TRIM37: variants seen among roughly 807,000 people sequenced by gnomAD.
TRIM37 encodes E3 ubiquitin-protein ligase TRIM37.
In TRIM37, 80 loss-of-function variants were observed where a neutral mutation model predicts 129.8. The ratio of observed to expected loss-of-function variants is 0.62; its 90% CI spans 0.51 to 0.74. TRIM37 has a LOEUF of 0.74. Ranked by LOEUF, TRIM37 falls within the 30% of genes least tolerant of loss-of-function variation. The pLI is 0.00. For synonymous variants in TRIM37, 389 were observed against 387.1 expected, an observed-to-expected ratio of 1.00 and a Z score of -0.06; for missense variants, 1,054 against 1,176.5, an observed-to-expected ratio of 0.90 and a Z score of 1.52.
chr17:59,064,551 A>G, intron 9 of TRIM37, 146 bp from the exon 10 acceptor site: 1 of 630,914 alleles, frequency 1.6e-6, no homozygotes, highest in East Asian at 2.8e-5. Flanking sequence ...TGAACATAAC[A>G]TTAAATCAAA....
intron 19 of TRIM37, among the ~76,000 whole-genome samples, chr17:59,022,079 AT>A (rs1286104750): frequency 3.3e-5 from 5 of 152,158 alleles, no homozygotes; most frequent in Admixed American, 1.3e-4. Flanking sequence ...AGTTAAAATA[AT>A]TTTATAGCAT....
intron 12 of TRIM37, among the ~76,000 whole-genome samples, chr17:59,057,268 T>C (rs896711531): frequency 5.9e-5 from 9 of 152,178 alleles, no homozygotes; most frequent in Non-Finnish European, 1.2e-4. Flanking sequence ...CAGGCTGGAG[T>C]GCAATGGTGC....
chr17:59,010,861 G>A (rs1017454315), intron 22 of TRIM37, among the ~76,000 whole-genome samples: 49 of 152,104 alleles, frequency 3.2e-4, no homozygotes, highest in Non-Finnish European at 6.3e-4. Flanking sequence ...CAGTATGTAT[G>A]GAGACACATA....
chr17:58,996,288 T>C (rs903071437), downstream of TRIM37, among the ~76,000 whole-genome samples: 3 of 151,616 alleles, frequency 2.0e-5, no homozygotes, highest in African/African-American at 2.4e-5. Flanking sequence ...CTAGCCAACA[T>C]GGTGAAACCC....
intron 13 of TRIM37, among the ~76,000 whole-genome samples, chr17:59,053,990 C>A (rs565421827): frequency 9.2e-4 from 140 of 152,230 alleles, no homozygotes; most frequent in African/African-American, 3.3e-3. Flanking sequence ...AAAATCATAT[C>A]CCTTGTTAAA....
At chr17:58,970,464 A>G in the TRIM37 span, among the ~76,000 whole-genome samples, 1 of 152,224 alleles carries the variant, frequency 6.6e-6, no homozygotes, top group East Asian at 1.9e-4. Context: ...AAATAATTAC[A>G]GAAGTAGATA....
chr17:59,055,175 A>T (rs773381465), intron 13 of TRIM37, among the ~76,000 whole-genome samples: 3 of 151,684 alleles, frequency 2.0e-5, no homozygotes, highest in Non-Finnish European at 2.9e-5. Flanking sequence ...CATCTCTACT[A>T]AAAGTACAAA....
At chr17:59,065,156 C>A (rs1225269966) in intron 9 of TRIM37, among the ~76,000 whole-genome samples, 1 of 152,086 alleles carries the variant, frequency 6.6e-6, no homozygotes, top group Non-Finnish European at 1.5e-5. Flanking sequence ...AAGAAATACA[C>A]TTTAAAAAGT....
At chr17:59,024,839 C>G (rs2145406672) in intron 19 of TRIM37, among the ~76,000 whole-genome samples, 1 of 152,332 alleles carries the variant, frequency 6.6e-6, no homozygotes, top group African/African-American at 2.4e-5. Context: ...CTAAACTAGT[C>G]TTTAAATGTA....
rs1234171746 is a variant in TRIM37 at position 59,075,796 on chromosome 17, TAACAAGA to T, written c.617-89_617-83del. On this transcript the variant is annotated intron_variant, in intron 7 of 23. Coordinates refer to ENST00000262294, the MANE Select transcript of TRIM37 (RefSeq NM_015294.6). ...ATTAACTTCCAATGAACATATTTAA[TAACAAGA>T]AATACACTTCAAGTAAGCAAAAATT... is the stretch of plus-strand genomic sequence containing the variant. 1.0e-5 allele frequency: 11 copies of T among 1,091,326 alleles called. No individual in the cohort carries two copies. In the East Asian group the frequency reaches 1.4e-4, roughly 14 times the overall value. The allele number at this position is 1,091,326 out of a possible 1,614,324, so 67.6% of individuals were successfully genotyped here. A position where few individuals can be genotyped will look rare whatever the true frequency, so the allele number is the denominator to read the frequency against.
intron 24 of TRIM37, among the ~76,000 whole-genome samples, chr17:58,987,882 A>G (rs2031966111): frequency 6.6e-6 from 1 of 152,198 alleles, no homozygotes; most frequent in Non-Finnish European, 1.5e-5. Flanking sequence ...TGTTTTACAT[A>G]TATACATTTT....
intron 2 of TRIM37, among the ~76,000 whole-genome samples, chr17:59,100,474 G>A (rs937112048): frequency 2.6e-5 from 4 of 152,130 alleles, no homozygotes; most frequent in South Asian, 4.1e-4. Context: ...AGCCAGATCC[G>A]TAAGAGTACA....
At chr17:59,046,575 C>CG (rs1304841461) in intron 16 of TRIM37, among the ~76,000 whole-genome samples, 1 of 135,126 alleles carries the variant, frequency 7.4e-6, no homozygotes, top group Non-Finnish European at 1.6e-5. Flanking sequence ...TCTCAACTGT[C>CG]GCCCAGGCTG....
At position 59,041,881 on chromosome 17, in the gene TRIM37, A is replaced by T. The variant is rs762194353; in HGVS notation, c.1685T>A (p.Val562Glu). Residue 562 changes from valine to glutamate, a missense_variant, in exon 17 of 24, where the codon GTG (valine) becomes GAG (glutamate). Around this residue, in one of 3 missense-constraint regions of TRIM37, gnomAD observed 752 missense variants for 870.8 expected, o/e 0.86. Coordinates refer to ENST00000262294, the MANE Select transcript of TRIM37 (RefSeq NM_015294.6). Reference sequence around the variant, plus strand: ...TTCTAATTCCATGTTGTTATATTCCACATCATTTTCTCCAGACCTAAGAAT... The same window carrying T: ...TTCTAATTCCATGTTGTTATATTCCTCATCATTTTCTCCAGACCTAAGAAT... ...DEETMSGEND[V>E]EYNNMELEEG... The T allele has an allele frequency of 6.2e-7, 1 of 1,613,334 alleles. No homozygotes were observed. The highest frequency in any genetic ancestry group is 8.5e-7 in the Non-Finnish European group (1 of 1,179,380).
chr17:59,047,736 A>G lies in TRIM37; in HGVS notation c.1614T>C (p.Ala538=). 6.2e-7 allele frequency: 1 copy of G among 1,614,138 alleles called. No homozygotes were observed. Among genetic ancestry groups the G allele is most frequent in the South Asian group, 1.1e-5 (1 of 91,080 alleles). ...VNQLDGSSSS[A]SSTATSNTEE... The stretch of plus-strand genomic sequence containing the variant: ...CTGTATTACTTGTTGCTGTGGAACT[A>G]GCAGAGGAACTGCTGCCATCGAGCT... The change falls in exon 16 of 24, where the codon GCT becomes GCC. Residue 538 remains alanine, a synonymous_variant. Transcript: ENST00000262294.
At chr17:59,013,389 T>C (rs955087689) in intron 21 of TRIM37, among the ~76,000 whole-genome samples, 7 of 152,148 alleles carry the variant, frequency 4.6e-5, no homozygotes, top group African/African-American at 1.4e-4. Flanking sequence ...TCAAGTGATC[T>C]GCCCACCTCA....
At chr17:59,095,383 C>A (rs2147409477) in intron 2 of TRIM37, among the ~76,000 whole-genome samples, 1 of 152,222 alleles carries the variant, frequency 6.6e-6, no homozygotes, top group South Asian at 2.1e-4. Context: ...TTTAGCAAAA[C>A]TGAGTCTACA....
Position 59,056,976 on chromosome 17 carries a change from G to C in TRIM37, c.1098C>G (p.Asp366Glu). The C allele has an allele frequency of 6.2e-7, 1 of 1,613,758 alleles. No individual in the cohort carries two copies. The highest frequency in any genetic ancestry group is 8.5e-7 in the Non-Finnish European group (1 of 1,179,878). Reference sequence around the variant, plus strand: ...AGCCCCAGCATTCTCCAACTTCAAAGTCAGATGCAAATTCTCGAATGATAT... The same window carrying C: ...AGCCCCAGCATTCTCCAACTTCAAACTCAGATGCAAATTCTCGAATGATAT... ...TKNIIREFAS[D>E]FEVGECWGYN... The change falls in exon 13 of 24, where the codon GAC becomes GAG. Residue 366 changes from aspartate (D) to glutamate (E), a missense_variant. Physicochemically the swap from Asp to Glu is conservative, Grantham distance 45. Coordinates refer to ENST00000262294, the MANE Select transcript of TRIM37 (RefSeq NM_015294.6).
At chr17:58,977,650 G>A (rs899233756), downstream of TRIM37, among the ~76,000 whole-genome samples, 1 of 152,138 alleles carries the variant, frequency 6.6e-6, no homozygotes, top group African/African-American at 2.4e-5. Flanking sequence ...GCTAGATAGG[G>A]CATGTGCCCA....
Sources: allele counts gnomAD v4.1 joint callset (sites outside exome capture counted in the v4.1 genomes callset), GRCh38; gene constraint gnomAD v4.1.1; regional missense constraint gnomAD v4.1.1; transcripts MANE v1.5; gene names NCBI Gene and HGNC (gene_info 2026-07-23, HGNC 2026-07-21).